Variants in DCAF1 observed in about 807,000 individuals in gnomAD.
The protein encoded by DCAF1 is DDB1- and CUL4-associated factor 1.
In DCAF1, 15 loss-of-function variants were observed where a neutral mutation model predicts 128.0. The ratio of observed to expected loss-of-function variants is 0.12; its 90% CI spans 0.08 to 0.18. DCAF1 has a LOEUF of 0.18. Among genes scored for constraint, DCAF1 ranks in the 10% least tolerant of loss-of-function variants. The pLI, the probability that DCAF1 is intolerant of heterozygous loss-of-function variation, is 1.00. For synonymous variants in DCAF1, 610 were observed against 603.0 expected (o/e 1.01, Z -0.17); for missense variants, 988 against 1,649.5 (o/e 0.60, Z 6.95).
At chr3:51,465,899 C>T (rs1553646283) in intron 5 of DCAF1, among the ~76,000 whole-genome samples, 1 of 151,670 alleles carries the variant, frequency 6.6e-6, no homozygotes, top group Non-Finnish European at 1.5e-5. Context: ...ATTTTATAGA[C>T]TAGAAAAATA....
At chr3:51,453,846 A>G (rs373891783) in intron 6 of DCAF1, among the ~76,000 whole-genome samples, 13 of 151,838 alleles carry the variant, frequency 8.6e-5, no homozygotes, top group African/African-American at 3.1e-4. Context: ...CCAGCTACTC[A>G]GGAGACTGAA....
intron 20 of DCAF1, 145 bp from the exon 21 acceptor site, chr3:51,413,531 C>T: frequency 1.5e-6 from 2 of 1,328,088 alleles, no homozygotes; most frequent in Non-Finnish European, 2.0e-6. Flanking sequence ...ATCTACTCTG[C>T]ATCTAGTTAG....
Position 51,441,052 on chromosome 3 carries a change from T to C in DCAF1, c.1046A>G (p.Gln349Arg). 1 of 1,611,678 alleles carries C rather than the reference T, an allele frequency of 6.2e-7. No homozygotes were observed. Among genetic ancestry groups the C allele is most frequent in the Non-Finnish European group, 8.5e-7 (1 of 1,178,888 alleles). Residue 349 changes from glutamine (Q) to arginine (R), a missense_variant, in exon 9 of 25, where the codon CAA (glutamine) becomes CGA (arginine). Around this residue, in one of 11 missense-constraint regions of DCAF1, gnomAD observed 185 missense variants for 248.1 expected, o/e 0.75. Transcript: ENST00000684031. ...EYQELLPIFMQLGSRELMMFY... is the reference protein window; with the variant it reads ...EYQELLPIFMRLGSRELMMFY... ...CATCATCAGCTCCCGTGATCCAAGT[T>C]GCATGAATATGGGAAGTAGCTGAAA...
At chr3:51,432,499 C>T (rs1480612319) in intron 10 of DCAF1, among the ~76,000 whole-genome samples, 3 of 151,418 alleles carry the variant, frequency 2.0e-5, no homozygotes, top group Non-Finnish European at 4.4e-5. Context: ...TGCTCTGTAG[C>T]CCAGGCTGGA....
In DCAF1 at chr3:51,498,162, C is replaced by A. The variant is rs1206846683; in HGVS notation, c.-55-1382G>T. ...AGATCACGAGGACAAGAGCTTGAGA[C>A]CAGCCTGGCCAATATGCTGAAACCC... On this transcript the variant is annotated intron_variant, in intron 1 of 24. Coordinates refer to ENST00000684031, the MANE Select transcript of DCAF1 (RefSeq NM_001387579.1). Among the ~76,000 whole-genome samples, 4 of 148,894 alleles carry A rather than the reference C, an allele frequency of 2.7e-5. No individual in the cohort carries two copies. The East Asian group carries it at 7.8e-4, about 29-fold the overall frequency.
chr3:51,453,478 A>G (rs559961457), intron 6 of DCAF1, among the ~76,000 whole-genome samples: 11 of 152,126 alleles, frequency 7.2e-5, no homozygotes, highest in African/African-American at 2.6e-4. Flanking sequence ...AAAATTTTTA[A>G]AAAATTAGCT....
intron 23 of DCAF1, among the ~76,000 whole-genome samples, chr3:51,408,526 G>A (rs1250834383): frequency 6.6e-6 from 1 of 152,156 alleles, no homozygotes; most frequent in Non-Finnish European, 1.5e-5. Flanking sequence ...AGCGTACAAA[G>A]CAAAGTAAAA....
intron 6 of DCAF1, among the ~76,000 whole-genome samples, chr3:51,460,432 C>T (rs1553644111): frequency 2.0e-5 from 3 of 152,152 alleles, no homozygotes; most frequent in East Asian, 1.9e-4. Flanking sequence ...AATGGAAGAA[C>T]GTTCCATGTT....
intron 13 of DCAF1, among the ~76,000 whole-genome samples, chr3:51,423,094 A>G (rs1699563113): frequency 6.6e-6 from 1 of 152,110 alleles, no homozygotes; most frequent in Non-Finnish European, 1.5e-5. Context: ...GAAAAATGAA[A>G]AAAAAGAAGA....
At chr3:51,441,142 A>G in intron 8 of DCAF1, 71 bp from the exon 9 acceptor site, 1 of 1,394,888 alleles carries the variant, frequency 7.2e-7, no homozygotes, top group Non-Finnish European at 9.9e-7. Context: ...CCACTCTTTG[A>G]GGATAGAAGC....
Position 51,413,011 on chromosome 3 carries a change from G to A in DCAF1, c.4092C>T (p.Cys1364=), listed in dbSNP as rs1553629000. Residue 1364 remains cysteine (C), a synonymous_variant, in exon 22 of 25, where the codon TGC becomes TGT. Transcript: ENST00000684031. ...IFDLCTDTKD[C]YLAVIENQGS... ...CCTTTACCTCAATGACAGCAAGATAGCAGTCTTTGGTGTCTGTACACAGGT... is the reference window on the plus strand; with the variant it reads ...CCTTTACCTCAATGACAGCAAGATAACAGTCTTTGGTGTCTGTACACAGGT... 7 of 1,613,952 alleles carry A rather than the reference G, an allele frequency of 4.3e-6. 1 individual carries two copies. In the South Asian group the frequency reaches 7.7e-5, roughly 18 times the overall value.
At chr3:51,484,884 C>T (rs782061778) in intron 2 of DCAF1, among the ~76,000 whole-genome samples, 2 of 149,554 alleles carry the variant, frequency 1.3e-5, no homozygotes, top group African/African-American at 4.9e-5. Flanking sequence ...AGTTTCACCA[C>T]GCTGGCCAGG....
chr3:51,413,420 G>A (rs1457421635), intron 20 of DCAF1, 34 bp from the exon 21 acceptor site: 1 of 1,592,698 alleles, frequency 6.3e-7, no homozygotes, highest in Non-Finnish European at 8.6e-7. Flanking sequence ...ACACTATTAG[G>A]AATCACAAAC....
downstream of DCAF1, chr3:51,397,347 CTT>C (rs1264607063): frequency 6.0e-6 from 1 of 167,078 alleles, no homozygotes; most frequent in Non-Finnish European, 1.5e-5. Flanking sequence ...TCTGAAGTAT[CTT>C]TCTACAAACG....
chr3:51,442,000 G>A, intron 7 of DCAF1, 103 bp from the exon 8 acceptor site: 2 of 1,434,634 alleles, frequency 1.4e-6, no homozygotes, highest in Non-Finnish European at 1.9e-6. Flanking sequence ...CTCATGCAGT[G>A]AGCCCAACGC....
intron 6 of DCAF1, among the ~76,000 whole-genome samples, chr3:51,459,035 G>C (rs1369685496): frequency 6.6e-6 from 1 of 152,112 alleles, no homozygotes; most frequent in Non-Finnish European, 1.5e-5. Flanking sequence ...ACATTCAAAA[G>C]CTAGCAGAAG....
At chr3:51,489,603 A>AT (rs782302590) in intron 2 of DCAF1, among the ~76,000 whole-genome samples, 71 of 152,232 alleles carry the variant, frequency 4.7e-4, no homozygotes, top group Non-Finnish European at 4.7e-4. Flanking sequence ...CCTGGCCAAC[A>AT]TGGTGAAACC....
chr3:51,435,975 T>C (rs1209517100), intron 9 of DCAF1, among the ~76,000 whole-genome samples: 1 of 152,232 alleles, frequency 6.6e-6, no homozygotes, highest in Non-Finnish European at 1.5e-5. Flanking sequence ...AGATCACCGA[T>C]GTGCACATCA....
intron 3 of DCAF1, among the ~76,000 whole-genome samples, chr3:51,482,625 T>TGAG (rs1172812521): frequency 7.1e-6 from 1 of 141,712 alleles, no homozygotes; most frequent in Non-Finnish European, 1.5e-5. Context: ...ATTAGCCGGG[T>TGAG]GTGGTGGCGT....
Sources: gnomAD v4.1 joint callset for allele counts (sites outside exome capture counted in the v4.1 genomes callset) on GRCh38, gnomAD v4.1.1 for gene constraint, gnomAD v4.1.1 regional missense constraint, MANE v1.5 for transcripts, NCBI Gene and HGNC (gene_info 2026-07-23, HGNC 2026-07-21) for gene names.